Variants in IMMP2L observed in about 807,000 individuals in gnomAD.
The protein encoded by IMMP2L is mitochondrial inner membrane protease subunit 2.
IMMP2L carries 18 observed loss-of-function variants against 19.3 expected under a neutral mutation model. The observed-to-expected ratio is 0.93, with a 90% confidence interval of 0.64 to 1.38. The LOEUF (loss-of-function observed/expected upper bound fraction) is 1.38. IMMP2L is among the 40% of genes most tolerant of loss of function. The pLI, the probability that IMMP2L is intolerant of heterozygous loss-of-function variation, is 0.00. For missense variants in IMMP2L, 233 were observed against 218.2 expected, an observed-to-expected ratio of 1.07 and a Z score of -0.43; for synonymous variants, 76 against 73.0, an observed-to-expected ratio of 1.04 and a Z score of -0.21.
chr7:111,151,044 T>C (rs1421397351), intron 3 of IMMP2L, among the ~76,000 whole-genome samples: 1 of 152,200 alleles, frequency 6.6e-6, no homozygotes, highest in African/African-American at 2.4e-5. Context: ...CCTGGGATTC[T>C]TGAGCAAGCT....
chr7:111,066,709 G>A (rs1794535202), intron 3 of IMMP2L, among the ~76,000 whole-genome samples: 1 of 152,134 alleles, frequency 6.6e-6, no homozygotes. Flanking sequence ...CTTTGTCCTT[G>A]GCTTCTGATG....
intron 3 of IMMP2L, among the ~76,000 whole-genome samples, chr7:111,110,975 C>G (rs1244181589): frequency 6.6e-6 from 1 of 152,126 alleles, no homozygotes; most frequent in Admixed American, 6.5e-5. Flanking sequence ...ACCTGTGAAG[C>G]TGCTATAACA....
chr7:111,552,539 C>T (rs1261273901), intron 1 of IMMP2L, among the ~76,000 whole-genome samples: 2 of 152,136 alleles, frequency 1.3e-5, no homozygotes, highest in Non-Finnish European at 2.9e-5. Flanking sequence ...CCACCTGCCT[C>T]GGCCTCCCAA....
intron 3 of IMMP2L, among the ~76,000 whole-genome samples, chr7:111,110,287 T>C (rs1237520373): frequency 1.3e-5 from 2 of 152,178 alleles, no homozygotes; most frequent in Non-Finnish European, 2.9e-5. Context: ...ACACAATTGA[T>C]AGGAATCAGT....
chr7:110,984,516 C>T (rs1300918475), intron 3 of IMMP2L, among the ~76,000 whole-genome samples: 1 of 151,972 alleles, frequency 6.6e-6, no homozygotes, highest in African/African-American at 2.4e-5. Flanking sequence ...CAGTACTAAG[C>T]AGAGTTGTAA....
chr7:111,309,023 T>A (rs1823200739), intron 3 of IMMP2L, among the ~76,000 whole-genome samples: 1 of 152,142 alleles, frequency 6.6e-6, no homozygotes, highest in African/African-American at 2.4e-5. Flanking sequence ...CATCATTAAC[T>A]TAACCACTGA....
intron 3 of IMMP2L, among the ~76,000 whole-genome samples, chr7:111,141,788 A>C (rs1189965518): frequency 1.3e-5 from 2 of 152,148 alleles, no homozygotes; most frequent in East Asian, 3.9e-4. Flanking sequence ...CTGGTCTCAA[A>C]ATGCTGGGCT....
chr7:111,102,353 G>T (rs1040124941), intron 3 of IMMP2L, among the ~76,000 whole-genome samples: 5 of 151,352 alleles, frequency 3.3e-5, no homozygotes, highest in Non-Finnish European at 7.4e-5. Flanking sequence ...AAACTCAGCA[G>T]TGCCTTATCT....
chr7:111,240,234 T>C (rs1814841531), intron 3 of IMMP2L, among the ~76,000 whole-genome samples: 1 of 152,000 alleles, frequency 6.6e-6, no homozygotes, highest in Non-Finnish European at 1.5e-5. Flanking sequence ...GAATGGCTGC[T>C]TGCCAGCTGC....
At chr7:110,964,413 T>G (rs1819313071) in intron 3 of IMMP2L, among the ~76,000 whole-genome samples, 1 of 152,098 alleles carries the variant, frequency 6.6e-6, no homozygotes, top group South Asian at 2.1e-4. Context: ...AATAAAGAAT[T>G]AGAGAATTCT....
chr7:110,956,595 C>T (rs1818378648), intron 4 of IMMP2L, among the ~76,000 whole-genome samples: 1 of 151,960 alleles, frequency 6.6e-6, no homozygotes, highest in Non-Finnish European at 1.5e-5. Context: ...CCTCATGTAA[C>T]AGTAAATTCA....
intron 3 of IMMP2L, among the ~76,000 whole-genome samples, chr7:110,981,538 A>C (rs1302219387): frequency 6.6e-6 from 1 of 152,066 alleles, no homozygotes; most frequent in Non-Finnish European, 1.5e-5. Flanking sequence ...TTTTCACTTA[A>C]AGAAAAAAAA....
intron 5 of IMMP2L, among the ~76,000 whole-genome samples, chr7:110,814,147 AG>A (rs1387603870): frequency 1.3e-5 from 2 of 151,988 alleles, no homozygotes; most frequent in African/African-American, 2.4e-5. Context: ...TATTGTTTTC[AG>A]GAGCAGTTCT....
At chr7:110,893,982 G>C (rs2129546410) in intron 4 of IMMP2L, among the ~76,000 whole-genome samples, 1 of 152,098 alleles carries the variant, frequency 6.6e-6, no homozygotes, top group South Asian at 2.1e-4. Flanking sequence ...AAGTCCCAGA[G>C]ACCCTACCTT....
intron 3 of IMMP2L, among the ~76,000 whole-genome samples, chr7:111,455,254 C>T (rs1010212046): frequency 2.0e-5 from 3 of 151,292 alleles, no homozygotes; most frequent in Non-Finnish European, 3.0e-5. Context: ...TCCTTGATTG[C>T]CCATATATGT....
chr7:110,767,933 A>G (rs1431973750), intron 5 of IMMP2L, among the ~76,000 whole-genome samples: 4 of 152,200 alleles, frequency 2.6e-5, no homozygotes. Flanking sequence ...CAGTGATTGA[A>G]GAGAATTTTA....
chr7:111,462,522 G>T (rs2132020335), intron 3 of IMMP2L, among the ~76,000 whole-genome samples: 1 of 151,948 alleles, frequency 6.6e-6, no homozygotes, highest in South Asian at 2.1e-4. Context: ...AATTTTTTTT[G>T]AATTATTGTG....
intron 3 of IMMP2L, among the ~76,000 whole-genome samples, chr7:111,145,175 T>C (rs916764394): frequency 2.0e-5 from 3 of 152,074 alleles, no homozygotes; most frequent in Non-Finnish European, 1.5e-5. Flanking sequence ...TGAAGACATA[T>C]ACTCATGCAA....
intron 3 of IMMP2L, among the ~76,000 whole-genome samples, chr7:111,083,787 T>C (rs1358497248): frequency 6.6e-6 from 1 of 152,248 alleles, no homozygotes; most frequent in Admixed American, 6.5e-5. Flanking sequence ...TTTAATATTA[T>C]TCTAGGTACT....
Sources: allele counts gnomAD v4.1 joint callset (sites outside exome capture counted in the v4.1 genomes callset), GRCh38; gene constraint gnomAD v4.1.1; transcripts MANE v1.5; gene names NCBI Gene and HGNC (gene_info 2026-07-23, HGNC 2026-07-21).